The following UBE2Q2 variants were observed in gnomAD, a reference collection of about 807,000 sequenced individuals.
The protein encoded by UBE2Q2 is ubiquitin conjugating enzyme E2 Q2, also known as ubiquitin-conjugating enzyme E2 Q2.
In UBE2Q2, 54 loss-of-function variants were observed where a neutral mutation model predicts 59.9. That is an observed-to-expected ratio of 0.90 (90% CI 0.72 to 1.13). UBE2Q2 has a LOEUF of 1.13. Among genes scored for constraint, UBE2Q2 ranks in the 50% most tolerant of loss-of-function variants. The pLI is 0.00. For synonymous variants in UBE2Q2, 165 were observed against 155.2 expected, an observed-to-expected ratio of 1.06 and a Z score of -0.47; for missense variants, 433 against 441.9, an observed-to-expected ratio of 0.98 and a Z score of 0.18.
At chr15:75,888,551 ATTC>A (rs1159656466) in intron 9 of UBE2Q2, among the ~76,000 whole-genome samples, 2 of 152,086 alleles carry the variant, frequency 1.3e-5, no homozygotes, top group African/African-American at 4.8e-5. Flanking sequence ...TTTCCTTAGT[ATTC>A]TTGAACTGTC....
intron 3 of UBE2Q2, 145 bp from the exon 4 acceptor site, chr15:75,868,806 A>G: frequency 1.7e-6 from 1 of 578,146 alleles, no homozygotes; most frequent in Non-Finnish European, 3.0e-6. Flanking sequence ...CTGGATTTAA[A>G]GATAAACATT....
Position 75,867,496 on chromosome 15 carries a change from G to A in UBE2Q2, c.388-1455G>A, listed in dbSNP as rs755876771. The stretch of plus-strand genomic sequence containing the variant: ...CTTGTATTTGTTTTTCTGCTACTGC[G>A]GCAGACCTACTCTTTTTTTATAAAA... On this transcript the variant is annotated intron_variant, in intron 3 of 12. Coordinates refer to ENST00000267938, the MANE Select transcript of UBE2Q2 (RefSeq NM_173469.4). 3.0e-4 allele frequency among the ~76,000 whole-genome samples: 46 copies of A among 152,086 alleles called. 1 individual carries two copies. The highest frequency in any genetic ancestry group is 3.2e-3 in the Middle Eastern group (1 of 316).
At chr15:75,869,057 G>T in intron 4 of UBE2Q2, 47 bp downstream of exon 4, 2 of 1,485,176 alleles carry the variant, frequency 1.3e-6, no homozygotes, top group South Asian at 2.4e-5. Context: ...CTTCATTTTT[G>T]AACATTTGAG....
chr15:75,867,948 G>T (rs1362040666), intron 3 of UBE2Q2, among the ~76,000 whole-genome samples: 2 of 152,182 alleles, frequency 1.3e-5, no homozygotes, highest in African/African-American at 4.8e-5. Context: ...TTTTCCATTA[G>T]TTTTTAGAAG....
At chr15:75,864,203 C>CA (rs1339061816) in intron 3 of UBE2Q2, among the ~76,000 whole-genome samples, 1 of 152,032 alleles carries the variant, frequency 6.6e-6, no homozygotes, top group Non-Finnish European at 1.5e-5. Context: ...GCTCTTATTT[C>CA]AGTATCAAGG....
chr15:75,863,794 C>T (rs963135880), intron 3 of UBE2Q2, among the ~76,000 whole-genome samples: 1 of 152,116 alleles, frequency 6.6e-6, no homozygotes, highest in Non-Finnish European at 1.5e-5. Flanking sequence ...AGGTGTGCAC[C>T]ACCACGCTCG....
At chr15:75,877,883 T>C in intron 6 of UBE2Q2, 78 bp from the exon 7 acceptor site, 1 of 1,338,380 alleles carries the variant, frequency 7.5e-7, no homozygotes, top group Middle Eastern at 2.0e-4. Context: ...TCGTTGGCTA[T>C]TTAGTGTATA....
At chr15:75,858,062 C>A (rs1294173053) in intron 2 of UBE2Q2, among the ~76,000 whole-genome samples, 1 of 152,170 alleles carries the variant, frequency 6.6e-6, no homozygotes, top group Non-Finnish European at 1.5e-5. Flanking sequence ...CATCTGATTA[C>A]TGTCTTGTTT....
In UBE2Q2 at chr15:75,899,570, A is replaced by G. The variant is rs961711182; in HGVS notation, c.*112A>G. On this transcript the variant is annotated 3_prime_UTR_variant, in exon 13 of 13. Coordinates refer to ENST00000267938, the MANE Select transcript of UBE2Q2 (RefSeq NM_173469.4). ...ACAGCAGTACCGAAGATGTTAGTTAATAGATATTTTAGTGGATAATCTGTC... is the reference window on the plus strand; with the variant it reads ...ACAGCAGTACCGAAGATGTTAGTTAGTAGATATTTTAGTGGATAATCTGTC... 5 of 843,948 alleles carry G rather than the reference A, an allele frequency of 5.9e-6. No homozygotes were observed. The African/African-American group carries it at 8.8e-5, about 15-fold the overall frequency. The allele number at this position is 843,948 out of a possible 1,614,324, so 52.3% of individuals were successfully genotyped here.
chr15:75,883,450 G>T, intron 9 of UBE2Q2, 26 bp downstream of exon 9: 4 of 1,592,738 alleles, frequency 2.5e-6, no homozygotes, highest in East Asian at 2.2e-5. Context: ...TACTTAAAAA[G>T]AAATTTTTTT....
chr15:75,893,217 T>C (rs919024451), intron 11 of UBE2Q2, among the ~76,000 whole-genome samples: 2 of 152,132 alleles, frequency 1.3e-5, no homozygotes, highest in Non-Finnish European at 2.9e-5. Flanking sequence ...TGTTTTAATC[T>C]ATATATTTAA....
At chr15:75,858,449 TTC>T (rs1847941056) in intron 2 of UBE2Q2, among the ~76,000 whole-genome samples, 1 of 152,174 alleles carries the variant, frequency 6.6e-6, no homozygotes, top group South Asian at 2.1e-4. Flanking sequence ...TGTCTTAGCG[TTC>T]TTTTATATAC....
intron 5 of UBE2Q2, among the ~76,000 whole-genome samples, 166 bp from the exon 6 acceptor site, chr15:75,876,021 C>T (rs543349776): frequency 1.8e-4 from 27 of 148,746 alleles, no homozygotes; most frequent in South Asian, 6.4e-4. Flanking sequence ...ACTGAGATTG[C>T]GCCACTGCAC....
chr15:75,864,676 A>G lies in UBE2Q2; in HGVS notation c.388-4275A>G, dbSNP rs143297568. Among the ~76,000 whole-genome samples, 89 of 150,486 alleles carry G rather than the reference A, an allele frequency of 5.9e-4. 2 individuals are homozygous for G. The East Asian group carries it at 0.014, about 24-fold the overall frequency. On this transcript the variant is annotated intron_variant, in intron 3 of 12. Transcript: ENST00000267938. ...TGTTGCATCATATTCACATGTGGCT[A>G]TATGCCGTTTTCACTTCAAAAGTTT...
At chr15:75,888,144 T>G (rs187440959) in intron 9 of UBE2Q2, among the ~76,000 whole-genome samples, 3 of 152,224 alleles carry the variant, frequency 2.0e-5, no homozygotes, top group South Asian at 2.1e-4. Flanking sequence ...ATTTGGTGGT[T>G]GTTAGTATAT....
chr15:75,876,195 G>GC lies in UBE2Q2; in HGVS notation c.597_598insC (p.Ser200LeufsTer9). 6.2e-7 allele frequency: 1 copy of GC among 1,613,968 alleles called. No homozygotes were observed. The highest frequency in any genetic ancestry group is 8.5e-7 in the Non-Finnish European group (1 of 1,179,962). On this transcript the variant is annotated frameshift_variant, in exon 6 of 13. Transcript: ENST00000267938. LOFTEE classifies it high-confidence loss of function. The stretch of plus-strand genomic sequence containing the variant: ...TGGCTTTTGTGTTTCAGGGTGCAGT[G>GC]TCTGGGTCAGTGCAAGCTTCAGATA...
At chr15:75,852,600 A>G in intron 1 of UBE2Q2, among the ~76,000 whole-genome samples, 1 of 152,228 alleles carries the variant, frequency 6.6e-6, no homozygotes, top group East Asian at 1.9e-4. Context: ...TAACCTAATA[A>G]TGAGATCCTA....
chr15:75,895,900 G>T (rs929583643), intron 11 of UBE2Q2, among the ~76,000 whole-genome samples: 5 of 152,126 alleles, frequency 3.3e-5, no homozygotes, highest in African/African-American at 1.2e-4. Flanking sequence ...GTACTCAGCA[G>T]ATATACGTAC....
intron 9 of UBE2Q2, among the ~76,000 whole-genome samples, chr15:75,884,175 G>T (rs532715930): frequency 6.6e-6 from 1 of 152,278 alleles, no homozygotes; most frequent in South Asian, 2.1e-4. Flanking sequence ...TGTTCAGTAG[G>T]CCCTCAAAGT....
Sources: allele counts gnomAD v4.1 joint callset (sites outside exome capture counted in the v4.1 genomes callset), GRCh38; gene constraint gnomAD v4.1.1; transcripts MANE v1.5; gene names NCBI Gene and HGNC (gene_info 2026-07-23, HGNC 2026-07-21).